Variants in AMTN observed in about 807,000 individuals in gnomAD.
AMTN encodes RSTI689.
In AMTN, 29 loss-of-function variants were observed where a neutral mutation model predicts 27.4. The observed-to-expected ratio is 1.06, with a 90% CI of 0.79 to 1.44. AMTN has a LOEUF of 1.44. Among genes scored for constraint, AMTN ranks in the 40% most tolerant of loss-of-function variants. The pLI is 0.00. For missense variants in AMTN, 247 were observed against 248.8 expected (o/e 0.99, Z 0.05); for synonymous variants, 86 against 95.7 (o/e 0.90, Z 0.59).
intron 3 of AMTN, among the ~76,000 whole-genome samples, 157 bp downstream of exon 3, chr4:70,522,995 G>C (rs920123071): frequency 6.6e-6 from 1 of 152,230 alleles, no homozygotes; most frequent in African/African-American, 2.4e-5. Context: ...TTTCGTTTGG[G>C]AGTGGGGAAA....
At chr4:70,529,362 T>C (rs1736166655) in intron 7 of AMTN, 152 bp downstream of exon 7, 1 of 488,040 alleles carries the variant, frequency 2.0e-6, no homozygotes, top group South Asian at 7.9e-5. Flanking sequence ...AGATTATCCT[T>C]TCTTTGTTTG....
At chr4:70,518,734 G>A in intron 1 of AMTN, 29 bp from the exon 2 acceptor site, 2 of 1,412,314 alleles carry the variant, frequency 1.4e-6, no homozygotes, top group Non-Finnish European at 2.0e-6. Flanking sequence ...AAAAATACAT[G>A]GAAGAGTAAC....
Position 70,523,848 on chromosome 4 carries a change from T to A in AMTN, c.139-20T>A, listed in dbSNP as rs1217646011. The A allele has an allele frequency of 1.2e-6, 2 of 1,609,760 alleles. No individual in the cohort carries two copies. The highest frequency in any genetic ancestry group is 2.7e-5 in the African/African-American group (2 of 74,920). On this transcript the variant is annotated intron_variant, in intron 3 of 8. Coordinates refer to ENST00000339336, the MANE Select transcript of AMTN (RefSeq NM_212557.4). ...AGCAGACAACCTCTTGTCTCATACA[T>A]CACTTTCAATCCCCTGCAGGTCTTT... is the stretch of plus-strand genomic sequence containing the variant.
At chr4:70,521,698 C>T (rs1402680582) in intron 2 of AMTN, among the ~76,000 whole-genome samples, 3 of 111,500 alleles carry the variant, frequency 2.7e-5, no homozygotes, top group African/African-American at 3.5e-5. Flanking sequence ...TCTCACTCTG[C>T]AACCTCTGGC....
chr4:70,522,944 A>C, intron 3 of AMTN, 106 bp downstream of exon 3: 2 of 1,093,774 alleles, frequency 1.8e-6, no homozygotes, highest in Non-Finnish European at 1.4e-6. Context: ...TAAAATCAAA[A>C]TTTACATGAA....
At chr4:70,532,188 C>T (rs1425374219) in intron 8 of AMTN, among the ~76,000 whole-genome samples, 1 of 152,176 alleles carries the variant, frequency 6.6e-6, no homozygotes, top group East Asian at 1.9e-4. Flanking sequence ...ATAGCAGGCA[C>T]TAGTAATAGC....
intron 5 of AMTN, 21 bp from the exon 6 acceptor site, chr4:70,528,702 G>A (rs1316326498): frequency 1.2e-6 from 2 of 1,604,760 alleles, no homozygotes; most frequent in African/African-American, 2.7e-5. Context: ...TTTTGAAAGA[G>A]TTTTTCTCTC....
intron 5 of AMTN, among the ~76,000 whole-genome samples, chr4:70,527,975 A>G (rs1736134202): frequency 6.6e-6 from 1 of 152,232 alleles, no homozygotes; most frequent in South Asian, 2.1e-4. Context: ...TTTAACAGCA[A>G]GATGTCCAGA....
At chr4:70,532,389 A>G in intron 8 of AMTN, 66 bp from the exon 9 acceptor site, 1 of 1,319,498 alleles carries the variant, frequency 7.6e-7, no homozygotes, top group Admixed American at 2.0e-5. Flanking sequence ...TTGGATCTCA[A>G]GTAAAAGATA....
chr4:70,522,511 C>T (rs1366641835), intron 2 of AMTN, among the ~76,000 whole-genome samples: 2 of 152,338 alleles, frequency 1.3e-5, no homozygotes, highest in Non-Finnish European at 2.9e-5. Context: ...CACCACAAGA[C>T]ATCCCATCTG....
intron 8 of AMTN, among the ~76,000 whole-genome samples, chr4:70,532,053 C>T (rs1321142764): frequency 1.3e-5 from 2 of 152,202 alleles, no homozygotes; most frequent in Non-Finnish European, 2.9e-5. Context: ...AATACACACA[C>T]ACGCACATAG....
intron 5 of AMTN, among the ~76,000 whole-genome samples, chr4:70,525,408 A>G (rs1273534916): frequency 6.6e-6 from 1 of 152,136 alleles, no homozygotes; most frequent in Non-Finnish European, 1.5e-5. Context: ...TTCCCCCTTG[A>G]AAGTCCCCAA....
In AMTN at chr4:70,532,712, A is replaced by T; in HGVS notation, c.*247A>T. ...AATATAACATTATGCTGCCTGGATGATATGCATATTAAAACATATTTGGAA... is the reference window on the plus strand; with the variant it reads ...AATATAACATTATGCTGCCTGGATGTTATGCATATTAAAACATATTTGGAA... On this transcript the variant is annotated 3_prime_UTR_variant, in exon 9 of 9. Transcript: ENST00000339336. The T allele has an allele frequency of 2.4e-6, 1 of 410,100 alleles. No individual in the cohort carries two copies. Among genetic ancestry groups the T allele is most frequent in the Non-Finnish European group, 4.3e-6 (1 of 231,114 alleles). 25.4% of individuals were successfully genotyped at this position (410,100 alleles called of 1,614,324 possible). A position where few individuals can be genotyped will look rare whatever the true frequency, so the allele number is the denominator to read the frequency against.
At chr4:70,531,010 T>G in intron 7 of AMTN, 29 bp from the exon 8 acceptor site, 2 of 1,611,006 alleles carry the variant, frequency 1.2e-6, no homozygotes, top group African/African-American at 1.3e-5. Context: ...GCTTTTAACT[T>G]TGTTTTCTGT....
In AMTN at chr4:70,518,620, T is replaced by C. The variant is rs537189789; in HGVS notation, c.-50T>C. On this transcript the variant is annotated 5_prime_UTR_variant, in exon 1 of 9. Transcript: ENST00000339336. The stretch of plus-strand genomic sequence containing the variant: ...GTAAACTTGAGAAACCAACTGGACC[T>C]TGAGTATTGTACATTTTGCCTCGTG... 6.6e-6 allele frequency: 4 copies of C among 608,598 alleles called. No homozygotes were observed. Among genetic ancestry groups the C allele is most frequent in the African/African-American group, 5.6e-5 (3 of 53,760 alleles). The allele number at this position is 608,598 out of a possible 1,614,324, so 37.7% of individuals were successfully genotyped here.
chr4:70,528,368 T>G lies in AMTN; in HGVS notation c.295-355T>G, dbSNP rs1736143539. ...CTATATCCTTTTAAGAAGATATCAA[T>G]GGCCGGGCGAGGTGGCTCATGCCTG... On this transcript the variant is annotated intron_variant, in intron 5 of 8. Transcript: ENST00000339336. Among the ~76,000 whole-genome samples, 3 of 152,174 alleles carry G rather than the reference T, an allele frequency of 2.0e-5. No individual in the cohort carries two copies. The South Asian group carries it at 6.2e-4, about 32-fold the overall frequency.
intron 4 of AMTN, among the ~76,000 whole-genome samples, chr4:70,524,245 A>G (rs898521566): frequency 4.2e-4 from 64 of 152,140 alleles, no homozygotes; most frequent in Non-Finnish European, 2.5e-4. Flanking sequence ...GCATCCACAC[A>G]TCCACATAAA....
chr4:70,529,071 C>A, intron 6 of AMTN, 113 bp from the exon 7 acceptor site: 1 of 1,034,694 alleles, frequency 9.7e-7, no homozygotes, highest in Non-Finnish European at 1.4e-6. Context: ...ATTGGAAAGG[C>A]AAAATCTGTA....
Position 70,528,720 on chromosome 4 carries a change from C to T in AMTN, c.295-3C>T. The T allele has an allele frequency of 6.2e-7, 1 of 1,607,212 alleles. No individual in the cohort carries two copies. ...TGAAAGAGTTTTTCTCTCATTTTTT[C>T]AGGTGTTACCAATTTTTGTCACACA... On this transcript the variant is annotated splice_region_variant and splice_polypyrimidine_tract_variant and intron_variant, in intron 5 of 8. Coordinates refer to ENST00000339336, the MANE Select transcript of AMTN (RefSeq NM_212557.4).
Sources: allele counts gnomAD v4.1 joint callset (sites outside exome capture counted in the v4.1 genomes callset), GRCh38; gene constraint gnomAD v4.1.1; transcripts MANE v1.5; gene names NCBI Gene and HGNC (gene_info 2026-07-23, HGNC 2026-07-21).